PPARGC1A: variants seen among roughly 807,000 people sequenced by gnomAD.
The protein encoded by PPARGC1A is PPARG coactivator 1 alpha, also known as peroxisome proliferator-activated receptor gamma coactivator 1-alpha.
Under a neutral mutation model 88.7 loss-of-function variants are expected in PPARGC1A, and 25 were observed. The ratio of observed to expected loss-of-function variants is 0.28; its 90% confidence interval spans 0.21 to 0.39. The LOEUF is 0.39. PPARGC1A is among the 10% of genes least tolerant of loss of function. The probability of loss-of-function intolerance (pLI) is 1.00; values close to 1 mark genes in which losing one functional copy is unlikely to be tolerated. For missense variants in PPARGC1A, 880 were observed against 968.7 expected, an observed-to-expected ratio of 0.91 and a Z score of 1.22; for synonymous variants, 363 against 355.6, an observed-to-expected ratio of 1.02 and a Z score of -0.24.
At chr4:23,915,967 A>G in the PPARGC1A span, among the ~76,000 whole-genome samples, 193 of 152,346 alleles carry the variant, frequency 1.3e-3, no homozygotes, top group Admixed American at 2.2e-3. Flanking sequence ...TCTGGAGCCA[A>G]GTGGCTTGGC....
the PPARGC1A span, among the ~76,000 whole-genome samples, chr4:24,222,015 G>A: frequency 6.6e-6 from 1 of 151,952 alleles, no homozygotes; most frequent in Non-Finnish European, 1.5e-5. Flanking sequence ...GATACCCATT[G>A]ATAACACACT....
chr4:24,053,359 T>C, the PPARGC1A span, among the ~76,000 whole-genome samples: 8 of 152,140 alleles, frequency 5.3e-5, no homozygotes, highest in Non-Finnish European at 7.3e-5. Context: ...GCAATGACCA[T>C]AGACATGGGA....
At chr4:24,224,147 G>A in the PPARGC1A span, among the ~76,000 whole-genome samples, 1 of 152,192 alleles carries the variant, frequency 6.6e-6, no homozygotes, top group East Asian at 1.9e-4. Context: ...CACCCTGGGG[G>A]CTGCAGTGGG....
At chr4:24,219,253 G>A in the PPARGC1A span, among the ~76,000 whole-genome samples, 182 of 152,318 alleles carry the variant, frequency 1.2e-3, 2 homozygotes, top group African/African-American at 4.0e-3. Context: ...CACCAACGGG[G>A]TGGTCACACC....
At chr4:23,965,963 T>C in the PPARGC1A span, among the ~76,000 whole-genome samples, 7 of 152,012 alleles carry the variant, frequency 4.6e-5, no homozygotes, top group Non-Finnish European at 1.0e-4. Context: ...CACCCGACAA[T>C]AAAGCATGCC....
chr4:24,454,861 GAT>G, the PPARGC1A span, among the ~76,000 whole-genome samples: 1 of 151,734 alleles, frequency 6.6e-6, no homozygotes, highest in Non-Finnish European at 1.5e-5. Context: ...AAATCTGAAA[GAT>G]AGTCATGTGA....
chr4:23,844,411 TAATATATA>T (rs1180080127), intron 2 of PPARGC1A, among the ~76,000 whole-genome samples: 4 of 126,044 alleles, frequency 3.2e-5, no homozygotes, highest in Non-Finnish European at 4.8e-5. Context: ...TATCATATAA[TAATATATA>T]ATATATTATA....
At chr4:23,819,546 T>C (rs1260515599) in intron 7 of PPARGC1A, among the ~76,000 whole-genome samples, 1 of 152,132 alleles carries the variant, frequency 6.6e-6, no homozygotes, top group Non-Finnish European at 1.5e-5. Context: ...AACCTGGCAT[T>C]TCAGGTGGCT....
the PPARGC1A span, among the ~76,000 whole-genome samples, chr4:24,265,983 G>A: frequency 1.3e-5 from 2 of 152,046 alleles, no homozygotes; most frequent in African/African-American, 4.8e-5. Flanking sequence ...AAGTTTGGGG[G>A]AGAGGAGGCT....
chr4:24,135,562 A>C, the PPARGC1A span, among the ~76,000 whole-genome samples: 1 of 152,136 alleles, frequency 6.6e-6, no homozygotes, highest in African/African-American at 2.4e-5. Context: ...GTATTTACCC[A>C]GTTCTAAAGG....
chr4:24,455,041 AG>A, the PPARGC1A span, among the ~76,000 whole-genome samples: 1 of 152,254 alleles, frequency 6.6e-6, no homozygotes, highest in Non-Finnish European at 1.5e-5. Flanking sequence ...GAGAAGTCAA[AG>A]GAAATTCTCA....
the PPARGC1A span, among the ~76,000 whole-genome samples, chr4:23,912,888 A>C: frequency 7.3e-5 from 11 of 150,198 alleles, no homozygotes; most frequent in African/African-American, 2.7e-4. Context: ...TCCTGGGTTC[A>C]TGCCATTCTC....
At chr4:23,890,600 G>T (rs1577673992), upstream of PPARGC1A, among the ~76,000 whole-genome samples, 8 of 115,050 alleles carry the variant, frequency 7.0e-5, no homozygotes, top group South Asian at 2.5e-3. Context: ...GCGCAAACGG[G>T]GCTTTTTTTT....
chr4:24,276,817 A>G, the PPARGC1A span, among the ~76,000 whole-genome samples: 3 of 152,220 alleles, frequency 2.0e-5, no homozygotes, highest in Non-Finnish European at 4.4e-5. Context: ...AAAGGGCAAG[A>G]AAAAGACTCA....
At chr4:23,891,385 CTAAA>C (rs1299622880), upstream of PPARGC1A, among the ~76,000 whole-genome samples, 2 of 152,140 alleles carry the variant, frequency 1.3e-5, no homozygotes, top group East Asian at 1.9e-4. Flanking sequence ...CCCCAGTTAC[CTAAA>C]TATAATTTGT....
chr4:24,010,002 A>T, the PPARGC1A span, among the ~76,000 whole-genome samples: 1 of 152,170 alleles, frequency 6.6e-6, no homozygotes, highest in African/African-American at 2.4e-5. Context: ...AAACCTCTCA[A>T]CAGATTAGAC....
chr4:24,163,752 G>A, the PPARGC1A span, among the ~76,000 whole-genome samples: 1 of 152,132 alleles, frequency 6.6e-6, no homozygotes, highest in Non-Finnish European at 1.5e-5. Context: ...ACAGATCAAA[G>A]CTAAATACAT....
chr4:23,880,395 C>T (rs1272753396), intron 2 of PPARGC1A, among the ~76,000 whole-genome samples: 1 of 152,146 alleles, frequency 6.6e-6, no homozygotes, highest in African/African-American at 2.4e-5. Flanking sequence ...TCAACTCACT[C>T]ATTATGCAAC....
At chr4:24,262,286 C>G in the PPARGC1A span, among the ~76,000 whole-genome samples, 8 of 152,158 alleles carry the variant, frequency 5.3e-5, no homozygotes, top group Non-Finnish European at 1.0e-4. Context: ...CATTCCACAC[C>G]GGGTCCTGTG....
Sources: gnomAD v4.1 joint callset for allele counts (sites outside exome capture counted in the v4.1 genomes callset) on GRCh38, gnomAD v4.1.1 for gene constraint, MANE v1.5 for transcripts, NCBI Gene and HGNC (gene_info 2026-07-23, HGNC 2026-07-21) for gene names.